The following SFPQ variants were observed in gnomAD, a reference collection of about 807,000 sequenced individuals.
The protein encoded by SFPQ is splicing factor proline and glutamine rich.
Under a neutral mutation model 72.9 loss-of-function variants are expected in SFPQ, and 11 were observed. The observed-to-expected ratio is 0.15, with a 90% CI of 0.09 to 0.25. SFPQ has a LOEUF of 0.25. Among genes scored for constraint, SFPQ ranks in the 10% least tolerant of loss-of-function variants. SFPQ has a pLI of 1.00. For missense variants in SFPQ, 847 were observed against 993.3 expected (o/e 0.85, Z 1.98); for synonymous variants, 506 against 367.3 (o/e 1.38, Z -4.32).
In SFPQ at chr1:35,191,541, G is replaced by C. The variant is rs200722664; in HGVS notation, c.829-12C>G. On this transcript the variant is annotated splice_polypyrimidine_tract_variant and intron_variant, in intron 1 of 9. Coordinates refer to ENST00000357214, the MANE Select transcript of SFPQ (RefSeq NM_005066.3). ...TTGGCTTTAAACCCCTAATGAAAAA[G>C]GAAAGAAGTTTTCAAACACCAGAGA... 33 of 1,599,986 alleles carry C rather than the reference G, an allele frequency of 2.1e-5. No individual in the cohort carries two copies. Among genetic ancestry groups the C allele is most frequent in the Non-Finnish European group, 2.8e-5 (33 of 1,174,824 alleles).
chr1:35,179,743 G>A, downstream of SFPQ: 1 of 1,055,716 alleles, frequency 9.5e-7, no homozygotes, highest in African/African-American at 1.7e-5. Context: ...AGTTCCTGAA[G>A]TCCATATATT....
In SFPQ at chr1:35,184,305, A is replaced by C; in HGVS notation, c.*151T>G. ...TCCAAACACTGCATTACATAATTTTACCTGCCCAAACAGACCATTTACAAA... is the reference window on the plus strand; with the variant it reads ...TCCAAACACTGCATTACATAATTTTCCCTGCCCAAACAGACCATTTACAAA... On this transcript the variant is annotated 3_prime_UTR_variant, in exon 10 of 10. Coordinates refer to ENST00000357214, the MANE Select transcript of SFPQ (RefSeq NM_005066.3). 1 of 1,443,440 alleles carries C rather than the reference A, an allele frequency of 6.9e-7. No homozygotes were observed. The highest frequency in any genetic ancestry group is 9.0e-7 in the Non-Finnish European group (1 of 1,106,602). The allele number at this position is 1,443,440 out of a possible 1,614,324, so 89.4% of individuals were successfully genotyped here. A position where few individuals can be genotyped will look rare whatever the true frequency, so the allele number is the denominator to read the frequency against.
chr1:35,190,725 G>T lies in SFPQ; in HGVS notation c.1288C>A (p.Arg430=). The change falls in exon 3 of 10, where the codon CGA becomes AGA. Residue 430 remains arginine, a synonymous_variant. Transcript: ENST00000357214. ...AGTAAGAAAACACCTTCACTGCATC[G>T]TTCAAATGCCTTTCTTGCTGCTGGC... The part of the protein sequence containing the change: ...SKPAARKAFE[R]CSEGVFLLTT... The T allele has an allele frequency of 2.5e-6, 4 of 1,614,188 alleles. No homozygotes were observed. Among genetic ancestry groups the T allele is most frequent in the Non-Finnish European group, 3.4e-6 (4 of 1,180,040 alleles).
intron 7 of SFPQ, 47 bp from the exon 8 acceptor site, chr1:35,187,298 C>G (rs766232394): frequency 2.3e-5 from 35 of 1,550,134 alleles, no homozygotes; most frequent in Middle Eastern, 1.7e-4. Flanking sequence ...ATACCCACAG[C>G]AAGCATTCTT....
intron 3 of SFPQ, 31 bp downstream of exon 3, chr1:35,190,663 A>T (rs1398280684): frequency 6.2e-7 from 1 of 1,609,816 alleles, no homozygotes; most frequent in African/African-American, 1.3e-5. Flanking sequence ...ATAAGTTGAT[A>T]GAAATTATTA....
chr1:35,189,382 C>T lies in SFPQ; in HGVS notation c.1416G>A (p.Lys472=), dbSNP rs750805452. The T allele has an allele frequency of 6.2e-7, 1 of 1,611,088 alleles. No individual in the cohort carries two copies. The highest frequency in any genetic ancestry group is 8.5e-7 in the Non-Finnish European group (1 of 1,178,056). The stretch of plus-strand genomic sequence containing the variant: ...CAAAACGAGGAGGGGTTTCTCTCTC[C>T]CTAACAATACACAAAATTTTAACAT... ...KLAQKNPMYQ[K]ERETPPRFAQ... The change falls in exon 5 of 10, where the codon AAG becomes AAA. Residue 472 remains lysine (K), a splice_region_variant and synonymous_variant. Transcript: ENST00000357214.
At chr1:35,180,188 CAG>C, downstream of SFPQ, 1 of 1,051,186 alleles carries the variant, frequency 9.5e-7, no homozygotes, top group Non-Finnish European at 1.1e-6. Flanking sequence ...AGTTACAGAG[CAG>C]AAACATTATA....
chr1:35,188,912 G>T, intron 6 of SFPQ, 91 bp downstream of exon 6: 1 of 963,534 alleles, frequency 1.0e-6, no homozygotes, highest in South Asian at 1.4e-5. Flanking sequence ...GGTGAGCTGA[G>T]ACTGCACCAC....
At chr1:35,186,762 CATA>C (rs1348789615) in intron 9 of SFPQ, among the ~76,000 whole-genome samples, 3 of 152,158 alleles carry the variant, frequency 2.0e-5, no homozygotes, top group African/African-American at 7.2e-5. Context: ...GGTAATTCCA[CATA>C]ATACTAACAG....
rs1183558498 is a variant in SFPQ, at chr1:35,192,518, G to A, written c.532C>T (p.Pro178Ser). 6.8e-6 allele frequency: 9 copies of A among 1,331,138 alleles called. No individual in the cohort carries two copies. The highest frequency in any genetic ancestry group is 2.7e-4 in the Middle Eastern group (1 of 3,664). 82.5% of individuals were successfully genotyped at this position (1,331,138 alleles called of 1,614,324 possible). A position where few individuals can be genotyped will look rare whatever the true frequency, so the allele number is the denominator to read the frequency against. ...TPPSSGVPTTPPQAGGPPPPP... is the reference protein window; with the variant it reads ...TPPSSGVPTTSPQAGGPPPPP... ...GGCGGCGGGCCTCCGGCCTGAGGAG[G>A]TGTGGTAGGGACCCCGCTGCTTGGC... Residue 178 changes from proline (P) to serine (S), a missense_variant, in exon 1 of 10, where the codon CCT becomes TCT. Physicochemically the swap from Pro to Ser is moderately conservative, Grantham distance 74 (BLOSUM62 -1). Around this residue, in one of 6 missense-constraint regions of SFPQ, gnomAD observed 498 missense variants for 405.1 expected, o/e 1.23. Coordinates refer to ENST00000357214, the MANE Select transcript of SFPQ (RefSeq NM_005066.3).
At chr1:35,179,044 T>C, downstream of SFPQ, 1 of 1,059,052 alleles carries the variant, frequency 9.4e-7, no homozygotes, top group Non-Finnish European at 1.1e-6. Flanking sequence ...AGTCAAATCC[T>C]CTGAATTCTT....
Position 35,182,982 on chromosome 1 carries a change from T to C in SFPQ, c.*1474A>G. The C allele has an allele frequency of 9.6e-7, 1 of 1,041,740 alleles. No individual in the cohort carries two copies. Among genetic ancestry groups the C allele is most frequent in the Non-Finnish European group, 1.2e-6 (1 of 864,568 alleles). The allele number at this position is 1,041,740 out of a possible 1,614,324, so 64.5% of individuals were successfully genotyped here. On this transcript the variant is annotated 3_prime_UTR_variant, in exon 10 of 10. Transcript: ENST00000357214. Reference sequence around the variant, plus strand: ...GGGAGGAAGGGATATTTGTACTGTGTAGCATGAGCAACTTTCTCCAGATTT... The same window carrying C: ...GGGAGGAAGGGATATTTGTACTGTGCAGCATGAGCAACTTTCTCCAGATTT...
Position 35,187,151 on chromosome 1 carries a change from C to G in SFPQ, c.1865-29G>C, listed in dbSNP as rs183603648. On this transcript the variant is annotated intron_variant, in intron 8 of 9. Coordinates refer to ENST00000357214, the MANE Select transcript of SFPQ (RefSeq NM_005066.3). Reference sequence around the variant, plus strand: ...GAAAACAAAAATAGTGGTTACAACTCCACCAGGATACTACTCTCTACTTAT... The same window carrying G: ...GAAAACAAAAATAGTGGTTACAACTGCACCAGGATACTACTCTCTACTTAT... 59 of 1,613,910 alleles carry G rather than the reference C, an allele frequency of 3.7e-5. No homozygotes were observed. In the East Asian group the frequency reaches 1.0e-3, roughly 27 times the overall value.
intron 1 of SFPQ, among the ~76,000 whole-genome samples, chr1:35,191,787 G>A (rs563640226): frequency 2.0e-5 from 3 of 152,136 alleles, no homozygotes; most frequent in South Asian, 2.1e-4. Flanking sequence ...CACATATGTT[G>A]AGTGTCCCTA....
In SFPQ at chr1:35,184,027, G is replaced by A. The variant is rs1025460112; in HGVS notation, c.*429C>T. On this transcript the variant is annotated 3_prime_UTR_variant, in exon 10 of 10. Transcript: ENST00000357214. The stretch of plus-strand genomic sequence containing the variant: ...GATGCATTTCCCAGAAATGGCATAT[G>A]CCATTCAAAGGCCTAGACACTCTCA... 12 of 1,059,326 alleles carry A rather than the reference G, an allele frequency of 1.1e-5. No individual in the cohort carries two copies. Among genetic ancestry groups the A allele is most frequent in the Middle Eastern group, 4.2e-4 (1 of 2,386 alleles). 65.6% of individuals were successfully genotyped at this position (1,059,326 alleles called of 1,614,324 possible). A position where few individuals can be genotyped will look rare whatever the true frequency, so the allele number is the denominator to read the frequency against.
downstream of SFPQ, chr1:35,182,907 A>T: frequency 9.6e-7 from 1 of 1,045,844 alleles, no homozygotes; most frequent in East Asian, 5.6e-5. Context: ...GGTTCAATGA[A>T]GTTGACAATT....
At position 35,192,218 on chromosome 1, in the gene SFPQ, T is replaced by C. The variant is rs1043950139; in HGVS notation, c.828+4A>G. On this transcript the variant is annotated splice_donor_region_variant and intron_variant, in intron 1 of 9. Transcript: ENST00000357214. ...GCCGACGCGTCGCTCCCATAGACACTCACCTCCGAGTCCGAGATCTTCTCC... is the reference window on the plus strand; with the variant it reads ...GCCGACGCGTCGCTCCCATAGACACCCACCTCCGAGTCCGAGATCTTCTCC... The C allele has an allele frequency of 2.1e-5, 31 of 1,451,996 alleles. No individual in the cohort carries two copies. In the African/African-American group the frequency reaches 3.5e-4, roughly 16 times the overall value. 89.9% of individuals were successfully genotyped at this position (1,451,996 alleles called of 1,614,324 possible).
intron 2 of SFPQ, 146 bp downstream of exon 2, chr1:35,191,195 G>A (rs1214168221): frequency 2.4e-6 from 2 of 822,500 alleles, no homozygotes; most frequent in South Asian, 3.5e-5. Context: ...GCATTATACC[G>A]CAAGCATTTT....
chr1:35,192,492 AGGC>A lies in SFPQ; in HGVS notation c.555_557del (p.Pro188del), dbSNP rs547726973. 4.1e-4 allele frequency: 538 copies of A among 1,325,378 alleles called. No individual in the cohort carries two copies. The African/African-American group carries it at 5.7e-3, about 14-fold the overall frequency. The allele number at this position is 1,325,378 out of a possible 1,614,324, so 82.1% of individuals were successfully genotyped here. A position where few individuals can be genotyped will look rare whatever the true frequency, so the allele number is the denominator to read the frequency against. On this transcript the variant is annotated inframe_deletion, in exon 1 of 10. Coordinates refer to ENST00000357214, the MANE Select transcript of SFPQ (RefSeq NM_005066.3). Reference sequence around the variant, plus strand: ...CCGGGCCCGGGACTGCCGCGGGCGGAGGCGGCGGGCCTCCGGCCTGAGGAGGTG... The same window carrying A: ...CCGGGCCCGGGACTGCCGCGGGCGGAGGCGGGCCTCCGGCCTGAGGAGGTG...
Sources: gnomAD v4.1 joint callset for allele counts (sites outside exome capture counted in the v4.1 genomes callset) on GRCh38, gnomAD v4.1.1 for gene constraint, gnomAD v4.1.1 regional missense constraint, MANE v1.5 for transcripts, NCBI Gene and HGNC (gene_info 2026-07-23, HGNC 2026-07-21) for gene names.